MIA2: variants seen among roughly 807,000 people sequenced by gnomAD.
MIA2 encodes the protein MIA SH3 domain ER export factor 2.
Under a neutral mutation model 167.8 loss-of-function variants are expected in MIA2, and 127 were observed. That is an observed-to-expected ratio of 0.76 (90% CI 0.66 to 0.88). MIA2 has a LOEUF of 0.88. Among genes scored for constraint, MIA2 ranks in the 40% least tolerant of loss-of-function variants. MIA2 has a pLI of 0.00. For missense variants in MIA2, 1,690 were observed against 1,624.7 expected (o/e 1.04, Z -0.69); for synonymous variants, 552 against 541.9 (o/e 1.02, Z -0.26).
chr14:39,257,712 T>A (rs2054885696), intron 6 of MIA2, among the ~76,000 whole-genome samples: 1 of 152,208 alleles, frequency 6.6e-6, no homozygotes, highest in Admixed American at 6.5e-5. Context: ...GTTTTTGCAG[T>A]GGCTGGTACC....
At chr14:39,272,349 C>T (rs891932919) in intron 6 of MIA2, among the ~76,000 whole-genome samples, 6 of 151,514 alleles carry the variant, frequency 4.0e-5, no homozygotes, top group Admixed American at 1.3e-4. Context: ...GAGACTCCAT[C>T]CCAAAAAAAA....
chr14:39,307,548 C>A (rs1011620789), intron 17 of MIA2, among the ~76,000 whole-genome samples: 2 of 151,718 alleles, frequency 1.3e-5, no homozygotes, highest in Middle Eastern at 6.8e-3. Flanking sequence ...ATTGCAGGCA[C>A]GCCCCAGCAC....
chr14:39,351,039 G>T (rs1032570120), downstream of MIA2: 1 of 151,974 alleles, frequency 6.6e-6, no homozygotes, highest in Non-Finnish European at 1.5e-5. Context: ...CAGGATAACT[G>T]TAGTGAATGA....
At chr14:39,297,328 G>C (rs570858653) in intron 13 of MIA2, among the ~76,000 whole-genome samples, 1 of 151,954 alleles carries the variant, frequency 6.6e-6, no homozygotes, top group African/African-American at 2.4e-5. Context: ...TTGACCTCAA[G>C]TGATCTGCTT....
chr14:39,305,935 CA>C (rs11285736), intron 17 of MIA2, among the ~76,000 whole-genome samples: 77,237 of 125,488 alleles, frequency 0.62, 21,582 homozygotes, highest in South Asian at 0.68. Flanking sequence ...GACTTTGTCT[CA>C]AAAAAAAAAA....
chr14:39,253,958 C>T (rs17109073), intron 6 of MIA2, among the ~76,000 whole-genome samples: 76 of 152,088 alleles, frequency 5.0e-4, no homozygotes, highest in South Asian at 2.7e-3. Flanking sequence ...ATGTTCTAAG[C>T]TGAAATTTAA....
At chr14:39,312,672 C>T (rs967002216) in intron 18 of MIA2, among the ~76,000 whole-genome samples, 1 of 137,880 alleles carries the variant, frequency 7.3e-6, no homozygotes, top group African/African-American at 2.8e-5. Flanking sequence ...AATTATTTCT[C>T]TGTGCTTCAT....
Position 39,251,024 on chromosome 14 carries a change from C to CAGAATATATCCAGAA in MIA2, c.1568-1724_1568-1723insAGAATATATCCAGAA, listed in dbSNP as rs1398767511. 6.6e-5 allele frequency among the ~76,000 whole-genome samples: 10 copies of CAGAATATATCCAGAA among 152,010 alleles called. No individual in the cohort carries two copies. The South Asian group carries it at 1.0e-3, about 16-fold the overall frequency. ...AGAGATTTCTATAAAGCCACAGGCCCTATATTCTGGATATTAGAGAAAGAG... is the reference window on the plus strand; with the variant it reads ...AGAGATTTCTATAAAGCCACAGGCCCAGAATATATCCAGAATATATTCTGGATATTAGAGAAAGAG... On this transcript the variant is annotated intron_variant, in intron 4 of 28. Transcript: ENST00000640607.
chr14:39,267,921 C>G (rs1314987651), intron 6 of MIA2, among the ~76,000 whole-genome samples: 1 of 151,452 alleles, frequency 6.6e-6, no homozygotes, highest in Non-Finnish European at 1.5e-5. Flanking sequence ...GATGTAACTT[C>G]TCGTTGAACC....
intron 4 of MIA2, among the ~76,000 whole-genome samples, chr14:39,248,815 C>T (rs2054426065): frequency 6.6e-6 from 1 of 152,088 alleles, no homozygotes; most frequent in Admixed American, 6.5e-5. Context: ...TCTCAGGTCA[C>T]CGCAGCCTCG....
chr14:39,314,780 T>C lies in MIA2; in HGVS notation c.3161T>C (p.Ile1054Thr). 1.2e-6 allele frequency: 2 copies of C among 1,607,262 alleles called. No individual in the cohort carries two copies. Among genetic ancestry groups the C allele is most frequent in the Non-Finnish European group, 1.7e-6 (2 of 1,176,678 alleles). The change falls in exon 20 of 29, where the codon ATT becomes ACT. Residue 1054 changes from isoleucine (I) to threonine (T), a missense_variant. Physicochemically the swap from Ile to Thr is moderately conservative, Grantham distance 89 (BLOSUM62 -1). Coordinates refer to ENST00000640607, the MANE Select transcript of MIA2 (RefSeq NM_001329214.4). ...KDLEEELERT[I>T]HSYQGQIISH... ...CTTGAAGAAGAATTGGAGAGAACTA[T>C]TCATTCTTATCAAGGGCAGGTATAT...
rs1225086664 is a variant in MIA2 at position 39,288,461 on chromosome 14, A to AT, written c.2131-2557dup. On this transcript the variant is annotated intron_variant, in intron 9 of 28. Coordinates refer to ENST00000640607, the MANE Select transcript of MIA2 (RefSeq NM_001329214.4). The stretch of plus-strand genomic sequence containing the variant: ...TATATATATATATATATATATATAT[A>AT]TATATATATATATATTTTTTTTTTT... 2.5e-3 allele frequency among the ~76,000 whole-genome samples: 49 copies of AT among 19,882 alleles called. 1 individual carries two copies. Among genetic ancestry groups the AT allele is most frequent in the Non-Finnish European group, 3.8e-3 (33 of 8,778 alleles). The allele number at this position is 19,882 out of a possible 152,430, so 13.0% of individuals were successfully genotyped here.
intron 9 of MIA2, among the ~76,000 whole-genome samples, chr14:39,281,576 A>T: frequency 7.0e-6 from 1 of 142,950 alleles, no homozygotes. Flanking sequence ...TTTTAATTCC[A>T]TTTACACATT....
Position 39,291,108 on chromosome 14 carries a change from A to C in MIA2, c.2208+12A>C, listed in dbSNP as rs745681501. 9 of 1,588,068 alleles carry C rather than the reference A, an allele frequency of 5.7e-6. No homozygotes were observed. Among genetic ancestry groups the C allele is most frequent in the Non-Finnish European group, 6.8e-6 (8 of 1,171,302 alleles). ...CACAAAGTTTGGAGGTAGAAAATCA[A>C]ATGGTATAATTTTAAAAGCTGGGGA... On this transcript the variant is annotated intron_variant, in intron 10 of 28. Transcript: ENST00000640607.
At chr14:39,331,670 AGCATTTGCTTTTCT>A (rs1390204070) in intron 25 of MIA2, among the ~76,000 whole-genome samples, 1 of 152,186 alleles carries the variant, frequency 6.6e-6, no homozygotes, top group East Asian at 1.9e-4. Flanking sequence ...AAAATCCCTA[AGCATTTGCTTTTCT>A]GTAAAGGATT....
intron 17 of MIA2, among the ~76,000 whole-genome samples, chr14:39,307,117 A>C (rs1481469765): frequency 6.6e-6 from 1 of 152,034 alleles, no homozygotes; most frequent in Non-Finnish European, 1.5e-5. Flanking sequence ...GGCTTGACTT[A>C]TATGTCAAAA....
intron 6 of MIA2, chr14:39,266,438 A>C (rs2055649897): frequency 1.0e-6 from 1 of 985,374 alleles, no homozygotes; most frequent in Admixed American, 6.1e-5. Flanking sequence ...CGCCAGGCCA[A>C]GGTCCACGGG....
At chr14:39,353,634 A>T (rs1297124792), downstream of MIA2, among the ~76,000 whole-genome samples, 1 of 152,034 alleles carries the variant, frequency 6.6e-6, no homozygotes, top group Non-Finnish European at 1.5e-5. Context: ...GGTTTGTTAC[A>T]TATCTATACA....
chr14:39,249,276 G>A (rs951237617), intron 4 of MIA2, among the ~76,000 whole-genome samples: 3 of 152,128 alleles, frequency 2.0e-5, no homozygotes, highest in African/African-American at 7.2e-5. Context: ...GAGTAGCTGG[G>A]ACTACAAGTC....
Sources: gnomAD v4.1 joint callset for allele counts (sites outside exome capture counted in the v4.1 genomes callset) on GRCh38, gnomAD v4.1.1 for gene constraint, MANE v1.5 for transcripts, NCBI Gene and HGNC (gene_info 2026-07-23, HGNC 2026-07-21) for gene names.